The following PARP1 variants were observed in gnomAD, a reference collection of about 807,000 sequenced individuals.
PARP1 encodes poly [ADP-ribose] polymerase 1.
A neutral mutation model predicts 118.7 loss-of-function variants in PARP1; 44 were observed. The observed-to-expected ratio is 0.37, with a 90% CI of 0.29 to 0.48. The LOEUF is 0.48. Among genes scored for constraint, PARP1 ranks in the 20% least tolerant of loss-of-function variants. PARP1 has a pLI of 0.99. For synonymous variants in PARP1, 492 were observed against 483.2 expected (o/e 1.02, Z -0.24); for missense variants, 1,100 against 1,272.4 (o/e 0.86, Z 2.06).
chr1:226,369,733 T>C (rs1267840277), intron 15 of PARP1, among the ~76,000 whole-genome samples: 1 of 151,988 alleles, frequency 6.6e-6, no homozygotes, highest in Non-Finnish European at 1.5e-5. Flanking sequence ...GGCAGGCGGA[T>C]CACTTGAACC....
chr1:226,369,335 A>C (rs964931095), intron 15 of PARP1, among the ~76,000 whole-genome samples: 6 of 152,084 alleles, frequency 3.9e-5, no homozygotes, highest in Non-Finnish European at 8.8e-5. Context: ...GCCTGCACCC[A>C]CCCACAAATA....
At chr1:226,369,464 C>T (rs1168958642) in intron 15 of PARP1, among the ~76,000 whole-genome samples, 3 of 152,246 alleles carry the variant, frequency 2.0e-5, no homozygotes, top group Non-Finnish European at 4.4e-5. Flanking sequence ...CATTTGATGA[C>T]TTCCTAGTAA....
Position 226,383,066 on chromosome 1 carries a change from G to A in PARP1, c.1129C>T (p.Pro377Ser), listed in dbSNP as rs2230484. 5.0e-3 allele frequency: 8,002 copies of A among 1,612,936 alleles called. 26 individuals carry two copies. The highest frequency in any genetic ancestry group is 6.2e-3 in the Non-Finnish European group (7,350 of 1,180,010). Residue 377 changes from proline (P) to serine (S), a missense_variant, in exon 8 of 23, where the codon CCT becomes TCT. Around this residue, in one of 2 missense-constraint regions of PARP1, gnomAD observed 948 missense variants for 1,031.8 expected, o/e 0.92. Coordinates refer to ENST00000366794, the MANE Select transcript of PARP1 (RefSeq NM_001618.4). ...GAAGCAGAGGAGTTCACAGCAGCAG[G>A]AGCCGAGGCTGTGGAGGGCGGAGGC... ...ATPPPSTASA[P>S]AAVNSSASAD...
In PARP1 at chr1:226,392,656, C is replaced by T. The variant is rs1163961838; in HGVS notation, c.287-342G>A. The stretch of plus-strand genomic sequence containing the variant: ...GGTGCTTACCTTAAAAGCCTGGAAG[C>T]ATACTGACGTCTCACTAAGGCTTCT... On this transcript the variant is annotated intron_variant, in intron 2 of 22. Transcript: ENST00000366794. The T allele has an allele frequency of 1.1e-5, 6 of 536,300 alleles. No individual in the cohort carries two copies. In the South Asian group the frequency reaches 1.2e-4, roughly 10 times the overall value. 33.2% of individuals were successfully genotyped at this position (536,300 alleles called of 1,614,324 possible). A position where few individuals can be genotyped will look rare whatever the true frequency, so the allele number is the denominator to read the frequency against.
chr1:226,405,000 C>A (rs1179667520), intron 1 of PARP1, among the ~76,000 whole-genome samples: 4 of 152,130 alleles, frequency 2.6e-5, no homozygotes, highest in Non-Finnish European at 5.9e-5. Context: ...GCTGGAGGGC[C>A]CAGCTCATCC....
chr1:226,405,857 T>C (rs573936800), intron 1 of PARP1, among the ~76,000 whole-genome samples: 63 of 152,288 alleles, frequency 4.1e-4, no homozygotes, highest in African/African-American at 1.5e-3. Flanking sequence ...GGCTCATGCC[T>C]GTAACCCTAG....
At chr1:226,374,735 A>G (rs1664456176) in intron 13 of PARP1, among the ~76,000 whole-genome samples, 1 of 152,218 alleles carries the variant, frequency 6.6e-6, no homozygotes, top group South Asian at 2.1e-4. Context: ...GCAATGGGAC[A>G]TGAAACTGAT....
intron 2 of PARP1, among the ~76,000 whole-genome samples, chr1:226,397,936 C>A (rs1393186236): frequency 1.3e-5 from 2 of 149,920 alleles, no homozygotes; most frequent in African/African-American, 4.9e-5. Flanking sequence ...ACAAACGGAG[C>A]TGTAACAACT....
Position 226,360,844 on chromosome 1 carries a change from A to G in PARP1, c.*616T>C, listed in dbSNP as rs1664120137. The G allele has an allele frequency of 8.8e-6, 2 of 228,424 alleles. No homozygotes were observed. Among genetic ancestry groups the G allele is most frequent in the African/African-American group, 4.4e-5 (2 of 45,044 alleles). The allele number at this position is 228,424 out of a possible 1,614,324, so 14.1% of individuals were successfully genotyped here. ...AATACTACATATTTCAAGAGCTCCCATGTTCAGTATTCCTGGAGAAGGAAA... is the reference window on the plus strand; with the variant it reads ...AATACTACATATTTCAAGAGCTCCCGTGTTCAGTATTCCTGGAGAAGGAAA... On this transcript the variant is annotated 3_prime_UTR_variant, in exon 23 of 23. Transcript: ENST00000366794.
chr1:226,397,617 C>A (rs1052867984), intron 2 of PARP1, among the ~76,000 whole-genome samples: 1 of 152,184 alleles, frequency 6.6e-6, no homozygotes, highest in African/African-American at 2.4e-5. Flanking sequence ...CTTGTGAGTT[C>A]TCCTGAGATC....
Position 226,370,501 on chromosome 1 carries a change from A to G in PARP1, c.2087T>C (p.Met696Thr). The change falls in exon 15 of 23, where the codon ATG (methionine) becomes ACG (threonine). Residue 696 changes from methionine to threonine, a missense_variant. This residue lies in a region of PARP1 where 948 missense variants were observed against 1,031.8 expected (regional missense o/e 0.92). Transcript: ENST00000366794. ...MVEYEIDLQKMPLGKLSKRQI... is the reference protein window; with the variant it reads ...MVEYEIDLQKTPLGKLSKRQI... The stretch of plus-strand genomic sequence containing the variant: ...CCTTTTGCTCAGCTTCCCCAAGGGC[A>G]TCTTCTGAAGGTCGATCTGAGGAGA... 1 of 1,613,870 alleles carries G rather than the reference A, an allele frequency of 6.2e-7. No individual in the cohort carries two copies. Among genetic ancestry groups the G allele is most frequent in the Non-Finnish European group, 8.5e-7 (1 of 1,179,834 alleles).
chr1:226,377,066 CT>C, intron 13 of PARP1, 41 bp downstream of exon 13: 1 of 1,555,332 alleles, frequency 6.4e-7, no homozygotes, highest in Non-Finnish European at 8.9e-7. Flanking sequence ...GTGTCCCTTC[CT>C]TTTCCTAGAA....
At chr1:226,363,255 G>C (rs780788790) in intron 20 of PARP1, 95 bp from the exon 21 acceptor site, 1 of 884,376 alleles carries the variant, frequency 1.1e-6, no homozygotes, top group African/African-American at 1.6e-5. Flanking sequence ...ACAGAGATGA[G>C]ATAAAAGTCC....
intron 18 of PARP1, 42 bp downstream of exon 18, chr1:226,365,912 T>C (rs376973273): frequency 1.5e-6 from 2 of 1,328,646 alleles, no homozygotes; most frequent in African/African-American, 1.4e-5. Context: ...AGGGAAGAGC[T>C]GGCAGGACAC....
chr1:226,366,906 TGG>T, intron 17 of PARP1: 2 of 182,290 alleles, frequency 1.1e-5, no homozygotes, highest in South Asian at 1.2e-4. Context: ...CACATGAGTG[TGG>T]AGATAGGCTC....
intron 2 of PARP1, chr1:226,392,515 C>G (rs749001723): frequency 1.2e-5 from 7 of 605,958 alleles, no homozygotes; most frequent in Non-Finnish European, 2.1e-5. Flanking sequence ...ATAAATGACC[C>G]TTCTCAGACT....
intron 14 of PARP1, 195 bp from the exon 15 acceptor site, chr1:226,370,712 A>G (rs1278947948): frequency 3.1e-6 from 2 of 642,498 alleles, no homozygotes; most frequent in Non-Finnish European, 5.7e-6. Context: ...GTGTGTCTGA[A>G]GATTCTTGCT....
At chr1:226,383,011 A>T (rs376462334) in intron 8 of PARP1, 25 bp downstream of exon 8, 143 of 1,611,708 alleles carry the variant, frequency 8.9e-5, no homozygotes, top group Non-Finnish European at 1.1e-4. Context: ...AAGCAGCTCT[A>T]AGACCGGGGT....
intron 11 of PARP1, 22 bp from the exon 12 acceptor site, chr1:226,379,296 T>C (rs1553295920): frequency 1.2e-6 from 2 of 1,614,178 alleles, no homozygotes; most frequent in South Asian, 1.1e-5. Flanking sequence ...GAAAAGCACC[T>C]ACAGTTTTCT....
Sources: allele counts gnomAD v4.1 joint callset (sites outside exome capture counted in the v4.1 genomes callset), GRCh38; gene constraint gnomAD v4.1.1; regional missense constraint gnomAD v4.1.1; transcripts MANE v1.5; gene names NCBI Gene and HGNC (gene_info 2026-07-23, HGNC 2026-07-21).